Variants in TRAPPC2 observed in about 807,000 individuals in gnomAD.
TRAPPC2 encodes sedlin.
TRAPPC2 carries 4 observed loss-of-function variants against 10.0 expected under a neutral mutation model. The observed-to-expected ratio is 0.40, with a 90% CI of 0.20 to 0.92. The LOEUF is 0.92. TRAPPC2 is among the 40% of genes least tolerant of loss of function. The pLI, the probability that TRAPPC2 is intolerant of heterozygous loss-of-function variation, is 0.35. For synonymous variants in TRAPPC2, 36 were observed against 37.3 expected (o/e 0.97, Z 0.12); for missense variants, 52 against 108.7 (o/e 0.48, Z 2.32).
Position 13,713,455 on chromosome X carries a change from A to AAAAAAAAC in TRAPPC2, c.*951_*952insGTTTTTTT, listed in dbSNP as rs1349196579. Reference sequence around the variant, plus strand: ...ACAGGAGCAAGACTCCATCTCAAAAAAACAAAAAACAAAAAACAAAAACAA... The same window carrying AAAAAAAAC: ...ACAGGAGCAAGACTCCATCTCAAAAAAAAAAAACAACAAAAAACAAAAAACAAAAACAA... On this transcript the variant is annotated 3_prime_UTR_variant, in exon 6 of 6. Coordinates refer to ENST00000380579, the MANE Select transcript of TRAPPC2 (RefSeq NM_001011658.4). 1 of 106,839 alleles carries AAAAAAAAC rather than the reference A, an allele frequency of 9.4e-6. No homozygotes were observed. Among genetic ancestry groups the AAAAAAAAC allele is most frequent in the African/African-American group, 3.4e-5 (1 of 29,148 alleles). 8.8% of individuals were successfully genotyped at this position (106,839 alleles called of 1,213,427 possible).
At chrX:13,734,227 C>T in intron 1 of TRAPPC2, 42 bp from the exon 2 acceptor site, 2 of 427,543 alleles carry the variant, frequency 4.7e-6, no homozygotes, top group East Asian at 7.8e-5. Flanking sequence ...ACCTACAATG[C>T]ACAGGACAGC....
chrX:13,731,652 A>C, intron 2 of TRAPPC2, among the ~76,000 whole-genome samples: 1 of 111,509 alleles, frequency 9.0e-6, no homozygotes, highest in Middle Eastern at 4.6e-3. Flanking sequence ...CAACAGTGCC[A>C]GGGACCCAGA....
intron 2 of TRAPPC2, chrX:13,720,558 T>C (rs1285224079): frequency 8.9e-6 from 1 of 112,656 alleles, no homozygotes; most frequent in Admixed American, 9.4e-5. Flanking sequence ...TTTGTCTTCT[T>C]TCTACTTGAA....
intron 2 of TRAPPC2, among the ~76,000 whole-genome samples, chrX:13,729,782 C>T (rs1393769077): frequency 9.0e-6 from 1 of 111,316 alleles, no homozygotes; most frequent in Non-Finnish European, 1.9e-5. Flanking sequence ...GTGGCACATG[C>T]CTGTAATCCC....
At chrX:13,719,820 TA>T in intron 3 of TRAPPC2, 50 bp downstream of exon 3, 1 of 933,469 alleles carries the variant, frequency 1.1e-6, no homozygotes, top group Non-Finnish European at 1.5e-6. Flanking sequence ...CTTCCAGTTC[TA>T]AAATCATATT....
intron 2 of TRAPPC2, among the ~76,000 whole-genome samples, chrX:13,731,155 T>C (rs1326170266): frequency 2.7e-5 from 3 of 112,433 alleles, no homozygotes; most frequent in Non-Finnish European, 5.6e-5. Context: ...ACAAATGTGA[T>C]TGCATAACTG....
intron 3 of TRAPPC2, among the ~76,000 whole-genome samples, 165 bp downstream of exon 3, chrX:13,719,706 A>G (rs1222704210): frequency 1.8e-5 from 2 of 111,888 alleles, no homozygotes; most frequent in East Asian, 5.6e-4. Flanking sequence ...AAGGATGAAT[A>G]AACATCTCCA....
At chrX:13,722,164 C>A (rs2046422132) in intron 2 of TRAPPC2, 1 of 83,543 alleles carries the variant, frequency 1.2e-5, no homozygotes. Context: ...TGGAGTTTGC[C>A]AAGGGAAGGG....
intron 2 of TRAPPC2, among the ~76,000 whole-genome samples, chrX:13,728,863 G>C (rs184844802): frequency 8.9e-6 from 1 of 112,143 alleles, no homozygotes; most frequent in East Asian, 2.8e-4. Context: ...CATGGTCTCA[G>C]TCCAAAATCT....
Position 13,716,546 on chromosome X carries a change from C to A in TRAPPC2, c.226G>T (p.Val76Phe). 1 of 1,211,662 alleles carries A rather than the reference C, an allele frequency of 8.3e-7. No homozygotes were observed. The highest frequency in any genetic ancestry group is 1.1e-6 in the Non-Finnish European group (1 of 895,429). ...KFNEWFVSAF[V>F]TAGHMRFIML... ...AAGGTAAGGATATGCCCCGCAGTGACAAATGCCGACACAAACCACTCGTTG... is the reference window on the plus strand; with the variant it reads ...AAGGTAAGGATATGCCCCGCAGTGAAAAATGCCGACACAAACCACTCGTTG... The change falls in exon 4 of 6, where the codon GTC (valine) becomes TTC (phenylalanine). Residue 76 changes from valine (V) to phenylalanine (F), a missense_variant. By Grantham distance (50) the Val-to-Phe change is conservative. Coordinates refer to ENST00000380579, the MANE Select transcript of TRAPPC2 (RefSeq NM_001011658.4).
At chrX:13,717,251 T>C (rs1051687225) in intron 3 of TRAPPC2, among the ~76,000 whole-genome samples, 1 of 108,449 alleles carries the variant, frequency 9.2e-6, no homozygotes, top group Non-Finnish European at 1.9e-5. Flanking sequence ...GACCTAGGAG[T>C]AGTGGGAGGT....
At position 13,714,156 on chromosome X, in the gene TRAPPC2, A is replaced by C. The variant is rs1342908312; in HGVS notation, c.*251T>G. The C allele has an allele frequency of 1.2e-4, 23 of 184,304 alleles. No individual in the cohort carries two copies. Among genetic ancestry groups the C allele is most frequent in the African/African-American group, 2.1e-4 (7 of 33,111 alleles). The allele number at this position is 184,304 out of a possible 1,213,427, so 15.2% of individuals were successfully genotyped here. On this transcript the variant is annotated 3_prime_UTR_variant, in exon 6 of 6. Transcript: ENST00000380579. ...GACTCTGTATCAGAAAAAAAAAAAAAAAAAAAACATGATTATTGATAATGA... is the reference window on the plus strand; with the variant it reads ...GACTCTGTATCAGAAAAAAAAAAAACAAAAAAACATGATTATTGATAATGA...
intron 3 of TRAPPC2, among the ~76,000 whole-genome samples, chrX:13,717,735 G>A (rs1183321315): frequency 4.5e-5 from 5 of 111,481 alleles, no homozygotes; most frequent in East Asian, 2.8e-4. Flanking sequence ...GCAAAACTCC[G>A]TCTCAAAAAA....
chrX:13,727,005 AAAG>A (rs778609056), intron 2 of TRAPPC2, among the ~76,000 whole-genome samples: 113 of 112,249 alleles, frequency 1.0e-3, no homozygotes, highest in African/African-American at 3.4e-3. Context: ...CAAAAGAGAC[AAAG>A]AAGGCCATTA....
chrX:13,716,160 T>C lies in TRAPPC2; in HGVS notation c.239-71A>G, dbSNP rs187977991. 15 of 1,043,730 alleles carry C rather than the reference T, an allele frequency of 1.4e-5. No individual in the cohort carries two copies. In the East Asian group the frequency reaches 4.9e-4, roughly 34 times the overall value. The allele number at this position is 1,043,730 out of a possible 1,213,427, so 86.0% of individuals were successfully genotyped here. ...AGCAACCAGTTCGTTGATACAGTATTCTTCAAATTAGTCACATGCAGTGTA... is the reference window on the plus strand; with the variant it reads ...AGCAACCAGTTCGTTGATACAGTATCCTTCAAATTAGTCACATGCAGTGTA... On this transcript the variant is annotated intron_variant, in intron 4 of 5. Coordinates refer to ENST00000380579, the MANE Select transcript of TRAPPC2 (RefSeq NM_001011658.4).
At chrX:13,715,884 G>C (rs1318149013) in intron 5 of TRAPPC2, 120 bp downstream of exon 5, 7 of 1,038,267 alleles carry the variant, frequency 6.7e-6, no homozygotes, top group Non-Finnish European at 8.7e-6. Context: ...TAGTTCTGAT[G>C]GGGGAAAGCT....
At chrX:13,727,388 C>CA (rs2046577017) in intron 2 of TRAPPC2, among the ~76,000 whole-genome samples, 3 of 112,227 alleles carry the variant, frequency 2.7e-5, no homozygotes, top group South Asian at 3.6e-4. Flanking sequence ...ACACAAATCA[C>CA]AAAAAACTGT....
intron 3 of TRAPPC2, 69 bp from the exon 4 acceptor site, chrX:13,716,747 C>T (rs2046294850): frequency 2.7e-6 from 3 of 1,114,306 alleles, no homozygotes; most frequent in Non-Finnish European, 3.7e-6. Flanking sequence ...ACATTTCATT[C>T]TGTAAATTCT....
intron 2 of TRAPPC2, among the ~76,000 whole-genome samples, chrX:13,730,877 T>G (rs758581933): frequency 1.1e-3 from 97 of 86,284 alleles, no homozygotes; most frequent in African/African-American, 4.4e-3. Flanking sequence ...TGAGATCACT[T>G]GGACACAGGG....
Sources: gnomAD v4.1 joint callset for allele counts (sites outside exome capture counted in the v4.1 genomes callset) on GRCh38, gnomAD v4.1.1 for gene constraint, MANE v1.5 for transcripts, NCBI Gene and HGNC (gene_info 2026-07-23, HGNC 2026-07-21) for gene names.